Variants in AP3S2 observed in about 807,000 individuals in gnomAD.
AP3S2 encodes the protein adaptor related protein complex 3 subunit sigma 2.
In AP3S2, 22 loss-of-function variants were observed where a neutral mutation model predicts 23.4. That is an observed-to-expected ratio of 0.94 (90% CI 0.67 to 1.34). The LOEUF is 1.34. AP3S2 is among the 40% of genes most tolerant of loss of function. AP3S2 has a pLI of 0.00. For missense variants in AP3S2, 241 were observed against 236.9 expected, an observed-to-expected ratio of 1.02 and a Z score of -0.11; for synonymous variants, 86 against 87.1, an observed-to-expected ratio of 0.99 and a Z score of 0.07.
At chr15:89,852,040 T>C (rs2141852006) in intron 4 of AP3S2, among the ~76,000 whole-genome samples, 1 of 152,302 alleles carries the variant, frequency 6.6e-6, no homozygotes, top group African/African-American at 2.4e-5. Context: ...GCGGGAATAC[T>C]ACAGGCAGCA....
intron 4 of AP3S2, among the ~76,000 whole-genome samples, chr15:89,844,283 CTT>C (rs759148802): frequency 1.7e-5 from 1 of 58,928 alleles, no homozygotes; most frequent in Non-Finnish European, 5.9e-5. Flanking sequence ...CTCTCTCTCT[CTT>C]TCTTTCTTTA....
chr15:89,887,184 G>A (rs897044230), intron 3 of AP3S2, among the ~76,000 whole-genome samples: 2 of 152,132 alleles, frequency 1.3e-5, no homozygotes, highest in African/African-American at 4.8e-5. Flanking sequence ...AGATGCATCT[G>A]TTTTAGATGG....
rs757255550 is a variant in AP3S2, at chr15:89,834,007, C to G, written c.*1508G>C. 1 of 152,276 alleles carries G rather than the reference C, an allele frequency of 6.6e-6. No homozygotes were observed. Among genetic ancestry groups the G allele is most frequent in the Non-Finnish European group, 1.5e-5 (1 of 68,058 alleles). The allele number at this position is 152,276 out of a possible 1,614,324, so 9.4% of individuals were successfully genotyped here. ...CATCTTAAGGTGGCTCAACACCACACCTGAGATCTAGCCCATGCGACAGTA... is the reference window on the plus strand; with the variant it reads ...CATCTTAAGGTGGCTCAACACCACAGCTGAGATCTAGCCCATGCGACAGTA... On this transcript the variant is annotated 3_prime_UTR_variant, in exon 6 of 6. Transcript: ENST00000336418.
chr15:89,861,334 T>G (rs1047890673), intron 4 of AP3S2, among the ~76,000 whole-genome samples: 2 of 152,156 alleles, frequency 1.3e-5, no homozygotes, highest in African/African-American at 4.8e-5. Context: ...GCTGGATAAA[T>G]TCCCTTGACA....
chr15:89,869,814 C>T (rs938890031), intron 4 of AP3S2, among the ~76,000 whole-genome samples: 4 of 151,286 alleles, frequency 2.6e-5, no homozygotes, highest in South Asian at 4.2e-4. Flanking sequence ...AGAGCAGTGG[C>T]GCGACCTCGG....
intron 4 of AP3S2, among the ~76,000 whole-genome samples, chr15:89,860,818 CTCT>C (rs1460717321): frequency 6.6e-6 from 1 of 152,188 alleles, no homozygotes; most frequent in Non-Finnish European, 1.5e-5. Context: ...GGTCTCAGCT[CTCT>C]TCTTCTCTTA....
At chr15:89,837,102 GTA>G (rs766213752) in intron 5 of AP3S2, among the ~76,000 whole-genome samples, 39 of 152,274 alleles carry the variant, frequency 2.6e-4, no homozygotes, top group Non-Finnish European at 4.6e-4. Context: ...GTGGACTGGG[GTA>G]TGTTATTTTC....
chr15:89,879,628 TG>T (rs557766253), intron 3 of AP3S2, among the ~76,000 whole-genome samples: 2 of 152,252 alleles, frequency 1.3e-5, no homozygotes, highest in African/African-American at 4.8e-5. Flanking sequence ...TTTTATTTTT[TG>T]GGGTCTCACT....
rs1321728918 is a variant in AP3S2, at chr15:89,871,536, T to C, written c.284A>G (p.Glu95Gly). 1.2e-6 allele frequency: 2 copies of C among 1,613,300 alleles called. No individual in the cohort carries two copies. The highest frequency in any genetic ancestry group is 2.7e-5 in the African/African-American group (2 of 74,870). The stretch of plus-strand genomic sequence containing the variant: ...ATTTTCGAAACACTTATCCAGAGTT[T>C]CCACAAAAACCTAGAAAACAAGGAG... ...GILDLIQVFV[E>G]TLDKCFENVC... Residue 95 changes from glutamate to glycine, a missense_variant, in exon 4 of 6, where the codon GAA (glutamate) becomes GGA (glycine). By Grantham distance (98) the Glu-to-Gly change is moderately conservative. Transcript: ENST00000336418.
intron 4 of AP3S2, among the ~76,000 whole-genome samples, chr15:89,856,615 T>C (rs1195133728): frequency 2.0e-5 from 3 of 149,776 alleles, no homozygotes; most frequent in Admixed American, 6.7e-5. Flanking sequence ...GGCAGGAGAA[T>C]TGCTTGAATC....
intron 3 of AP3S2, among the ~76,000 whole-genome samples, chr15:89,874,938 G>C (rs1377305020): frequency 1.3e-5 from 2 of 152,152 alleles, no homozygotes; most frequent in Non-Finnish European, 2.9e-5. Context: ...CAAGCTAACT[G>C]ATAATGTTGG....
intron 4 of AP3S2, among the ~76,000 whole-genome samples, chr15:89,858,573 T>C (rs1203188901): frequency 6.7e-6 from 1 of 148,984 alleles, no homozygotes; most frequent in Non-Finnish European, 1.5e-5. Context: ...GAAACTCTAC[T>C]TCTTATCTTA....
At chr15:89,884,274 T>G (rs1328135399) in intron 3 of AP3S2, among the ~76,000 whole-genome samples, 1 of 152,212 alleles carries the variant, frequency 6.6e-6, no homozygotes, top group Non-Finnish European at 1.5e-5. Flanking sequence ...CTATTAATTT[T>G]TCTTTGTTAT....
intron 3 of AP3S2, among the ~76,000 whole-genome samples, chr15:89,887,059 G>C (rs1896717293): frequency 6.6e-6 from 1 of 152,110 alleles, no homozygotes; most frequent in African/African-American, 2.4e-5. Context: ...GCCTCCCAAA[G>C]TGCTGGGATT....
intron 4 of AP3S2, among the ~76,000 whole-genome samples, chr15:89,846,220 T>C (rs971848133): frequency 6.6e-6 from 1 of 152,222 alleles, no homozygotes; most frequent in African/African-American, 2.4e-5. Flanking sequence ...CCTATTTAAA[T>C]TTTTCTCTTG....
intron 3 of AP3S2, 91 bp downstream of exon 3, chr15:89,888,430 G>A: frequency 7.9e-7 from 1 of 1,258,164 alleles, no homozygotes; most frequent in South Asian, 1.3e-5. Context: ...GTATCAATAA[G>A]GAGATGGACA....
At chr15:89,879,555 A>C (rs1355214790) in intron 3 of AP3S2, among the ~76,000 whole-genome samples, 2 of 152,200 alleles carry the variant, frequency 1.3e-5, no homozygotes, top group African/African-American at 4.8e-5. Flanking sequence ...CCAGAACTTA[A>C]ATGATGAAAA....
At chr15:89,866,918 CAG>C (rs1896138050) in intron 4 of AP3S2, among the ~76,000 whole-genome samples, 1 of 151,994 alleles carries the variant, frequency 6.6e-6, no homozygotes, top group African/African-American at 2.4e-5. Context: ...GTCATTCCAG[CAG>C]AGACACCTCA....
intron 5 of AP3S2, among the ~76,000 whole-genome samples, chr15:89,836,451 G>A (rs1482267487): frequency 5.3e-5 from 8 of 152,196 alleles, no homozygotes. Flanking sequence ...GCAACTGCTT[G>A]CCAACTAATA....
Sources: gnomAD v4.1 joint callset for allele counts (sites outside exome capture counted in the v4.1 genomes callset) on GRCh38, gnomAD v4.1.1 for gene constraint, MANE v1.5 for transcripts, NCBI Gene and HGNC (gene_info 2026-07-23, HGNC 2026-07-21) for gene names.